ITPKB: variants seen among roughly 807,000 people sequenced by gnomAD.
The protein encoded by ITPKB is IP3 3-kinase B.
ITPKB carries 13 observed loss-of-function variants against 69.4 expected under a neutral mutation model. The observed-to-expected ratio is 0.19, with a 90% CI of 0.12 to 0.30. The LOEUF is 0.30. Ranked by LOEUF, ITPKB falls within the 10% of genes least tolerant of loss-of-function variation. The pLI is 1.00. For synonymous variants in ITPKB, 584 were observed against 513.7 expected (o/e 1.14, Z -1.85); for missense variants, 1,240 against 1,250.5 (o/e 0.99, Z 0.13).
At chr1:226,700,029 C>A (rs908666868) in intron 2 of ITPKB, among the ~76,000 whole-genome samples, 4 of 152,110 alleles carry the variant, frequency 2.6e-5, no homozygotes, top group South Asian at 2.1e-4. Flanking sequence ...AGTCTTTTCG[C>A]GTTTTTCTGC....
intron 2 of ITPKB, among the ~76,000 whole-genome samples, chr1:226,701,561 G>A (rs1388126552): frequency 2.4e-5 from 3 of 125,408 alleles, no homozygotes; most frequent in Non-Finnish European, 3.1e-5. Flanking sequence ...CCGGGATAGC[G>A]CCACTGCAGT....
chr1:226,658,654 A>AC (rs1238942528), intron 2 of ITPKB, among the ~76,000 whole-genome samples: 1 of 152,048 alleles, frequency 6.6e-6, no homozygotes, highest in Non-Finnish European at 1.5e-5. Flanking sequence ...CCCCGTCTCC[A>AC]CCCGCCGTGT....
chr1:226,669,104 G>A (rs1669560821), intron 2 of ITPKB: 1 of 152,106 alleles, frequency 6.6e-6, no homozygotes. Context: ...TACTATAGAA[G>A]AGGGGAGTAT....
chr1:226,670,602 G>A (rs900017178), intron 2 of ITPKB, among the ~76,000 whole-genome samples: 1 of 152,196 alleles, frequency 6.6e-6, no homozygotes, highest in African/African-American at 2.4e-5. Context: ...AAGGGGCAGG[G>A]AGCAGAATTA....
rs573064657 is a variant in ITPKB, at chr1:226,644,556, A to C, written c.2247-2431T>G. ...TGTTGACTCTCCAGGACAAGTCACA[A>C]ATCTCAGAGCATGCCCCAGAGCCAC... On this transcript the variant is annotated intron_variant, in intron 4 of 7. Transcript: ENST00000429204. 2.0e-5 allele frequency among the ~76,000 whole-genome samples: 3 copies of C among 152,294 alleles called. No homozygotes were observed. The South Asian group carries it at 6.2e-4, about 32-fold the overall frequency.
intron 2 of ITPKB, among the ~76,000 whole-genome samples, chr1:226,671,180 A>G (rs948760838): frequency 5.3e-5 from 8 of 152,204 alleles, no homozygotes; most frequent in African/African-American, 1.7e-4. Context: ...CTAGAAGCCC[A>G]GGAACATTAG....
At chr1:226,705,594 G>C (rs1373862008) in intron 2 of ITPKB, among the ~76,000 whole-genome samples, 1 of 151,788 alleles carries the variant, frequency 6.6e-6, no homozygotes, top group Non-Finnish European at 1.5e-5. Context: ...AAGCTTCCTG[G>C]GTCAAATCCA....
In ITPKB at chr1:226,634,990, G is replaced by A. The variant is rs1210331320; in HGVS notation, c.2626-104C>T. On this transcript the variant is annotated intron_variant, in intron 7 of 7. Coordinates refer to ENST00000429204, the MANE Select transcript of ITPKB (RefSeq NM_002221.4). This position sits in a 1 kb window ranked among gnomAD's most constrained non-coding sequence, Gnocchi z 6.3. ...CAGGTGGGGAGGCTCGCTCAGGCCG[G>A]ACAGTTGGGTGCCTGCAATTCCAAT... 11 of 803,206 alleles carry A rather than the reference G, an allele frequency of 1.4e-5. No homozygotes were observed. In the African/African-American group the frequency reaches 1.7e-4, roughly 13 times the overall value. 49.8% of individuals were successfully genotyped at this position (803,206 alleles called of 1,614,324 possible).
At chr1:226,713,608 C>T (rs995057285) in intron 2 of ITPKB, among the ~76,000 whole-genome samples, 6 of 152,128 alleles carry the variant, frequency 3.9e-5, no homozygotes, top group Non-Finnish European at 7.3e-5. Context: ...GGAATTTGTT[C>T]GGGGTTTACT....
intron 4 of ITPKB, among the ~76,000 whole-genome samples, chr1:226,644,796 C>T (rs746237033): frequency 1.6e-4 from 25 of 152,252 alleles, no homozygotes; most frequent in Non-Finnish European, 2.8e-4. Context: ...CCTCCTCACC[C>T]TGTCATGGAA....
chr1:226,649,525 T>A (rs1669141687), intron 2 of ITPKB, among the ~76,000 whole-genome samples: 1 of 151,272 alleles, frequency 6.6e-6, no homozygotes, highest in African/African-American at 2.4e-5. Flanking sequence ...ATGTGTGTGA[T>A]GTGTGCATGT....
intron 2 of ITPKB, among the ~76,000 whole-genome samples, chr1:226,677,513 G>A (rs1234445420): frequency 6.6e-6 from 1 of 152,192 alleles, no homozygotes; most frequent in Non-Finnish European, 1.5e-5. Context: ...GACAAGCCCA[G>A]CCCCAGGATC....
intron 4 of ITPKB, among the ~76,000 whole-genome samples, chr1:226,643,829 A>T (rs1018022848): frequency 1.3e-5 from 2 of 152,218 alleles, no homozygotes; most frequent in African/African-American, 4.8e-5. Context: ...GTGCTCATGC[A>T]CACACATGCA....
intron 2 of ITPKB, among the ~76,000 whole-genome samples, chr1:226,683,687 C>T (rs1656137598): frequency 6.6e-6 from 1 of 152,084 alleles, no homozygotes; most frequent in Non-Finnish European, 1.5e-5. Context: ...CGACTTGATG[C>T]TCCATTCTAA....
Position 226,634,953 on chromosome 1 carries a change from G to A in ITPKB, c.2626-67C>T. The stretch of plus-strand genomic sequence containing the variant: ...CCTCGCCCTCCCCACTGCGGCCCGG[G>A]GCCTGGGTGACCAGGTGGGGAGGCT... On this transcript the variant is annotated intron_variant, in intron 7 of 7. Transcript: ENST00000429204. This position sits in a 1 kb window ranked among gnomAD's most constrained non-coding sequence, Gnocchi z 6.3. 1 of 1,298,140 alleles carries A rather than the reference G, an allele frequency of 7.7e-7. No homozygotes were observed. Among genetic ancestry groups the A allele is most frequent in the East Asian group, 2.4e-5 (1 of 41,004 alleles). 80.4% of individuals were successfully genotyped at this position (1,298,140 alleles called of 1,614,324 possible).
chr1:226,701,143 G>A (rs530410773), intron 2 of ITPKB, among the ~76,000 whole-genome samples: 1 of 152,322 alleles, frequency 6.6e-6, no homozygotes, highest in African/African-American at 2.4e-5. Context: ...CCAGAAGCTA[G>A]CCACGCAGGG....
intron 2 of ITPKB, among the ~76,000 whole-genome samples, chr1:226,696,318 CGTGTGT>C (rs58448161): frequency 0.05 from 7,449 of 149,872 alleles, 593 homozygotes; most frequent in African/African-American, 0.17. Flanking sequence ...TATAGATCTA[CGTGTGT>C]GTGTGTGTGT....
At chr1:226,671,395 A>C (rs114702016) in intron 2 of ITPKB, among the ~76,000 whole-genome samples, 1,919 of 152,358 alleles carry the variant, frequency 0.013, 52 homozygotes, top group African/African-American at 0.044. Flanking sequence ...ATGTGATGCC[A>C]AGTAAAAGAA....
At chr1:226,667,879 T>G in intron 2 of ITPKB, among the ~76,000 whole-genome samples, 1 of 144,778 alleles carries the variant, frequency 6.9e-6, no homozygotes, top group Non-Finnish European at 1.5e-5. Context: ...AAGTGGAGGT[T>G]GGTATTTCAG....
Sources: gnomAD v4.1 joint callset for allele counts (sites outside exome capture counted in the v4.1 genomes callset) on GRCh38, gnomAD v4.1.1 for gene constraint, Gnocchi (gnomAD v3.1) non-coding constraint, MANE v1.5 for transcripts, NCBI Gene and HGNC (gene_info 2026-07-23, HGNC 2026-07-21) for gene names.